The following SDK1 variants were observed in gnomAD, a reference collection of about 807,000 sequenced individuals.
The protein encoded by SDK1 is sidekick cell adhesion molecule 1, also known as protein sidekick-1.
Under a neutral mutation model 245.5 loss-of-function variants are expected in SDK1, and 157 were observed. The ratio of observed to expected loss-of-function variants is 0.64; its 90% CI spans 0.56 to 0.73. The LOEUF is 0.73. Among genes scored for constraint, SDK1 ranks in the 30% least tolerant of loss-of-function variants. The pLI, the probability that SDK1 is intolerant of heterozygous loss-of-function variation, is 0.00. For missense variants in SDK1, 3,583 were observed against 3,002.3 expected, an observed-to-expected ratio of 1.19 and a Z score of -4.52; for synonymous variants, 1,647 against 1,278.5, an observed-to-expected ratio of 1.29 and a Z score of -6.15.
chr7:3,359,558 C>T (rs1220250711), intron 1 of SDK1, among the ~76,000 whole-genome samples: 1 of 152,030 alleles, frequency 6.6e-6, no homozygotes, highest in Non-Finnish European at 1.5e-5. Flanking sequence ...TACACCTGGC[C>T]AGGGATGCAT....
intron 25 of SDK1, 45 bp from the exon 26 acceptor site, chr7:4,127,336 C>A (rs1784455608): frequency 1.4e-6 from 2 of 1,379,420 alleles, no homozygotes; most frequent in Non-Finnish European, 2.1e-6. Context: ...TGTATGTAGA[C>A]ACTCTAGATT....
intron 44 of SDK1, among the ~76,000 whole-genome samples, chr7:4,256,761 G>C (rs562561634): frequency 1.3e-5 from 2 of 152,324 alleles, no homozygotes; most frequent in East Asian, 3.9e-4. Flanking sequence ...CTTCTCCAGG[G>C]CCCAGGGGAT....
intron 30 of SDK1, among the ~76,000 whole-genome samples, chr7:4,151,279 G>A (rs1780363344): frequency 6.6e-6 from 1 of 152,090 alleles, no homozygotes; most frequent in Non-Finnish European, 1.5e-5. Context: ...TGGCCCCAGA[G>A]GACCCACCCT....
chr7:3,540,228 G>A (rs1369827590), intron 1 of SDK1, among the ~76,000 whole-genome samples: 1 of 152,138 alleles, frequency 6.6e-6, no homozygotes, highest in Non-Finnish European at 1.5e-5. Context: ...CCAACATGAC[G>A]AAACCCCATC....
At chr7:3,602,760 G>A (rs1403720186) in intron 1 of SDK1, among the ~76,000 whole-genome samples, 2 of 152,168 alleles carry the variant, frequency 1.3e-5, no homozygotes, top group Non-Finnish European at 2.9e-5. Context: ...CTGTGCCTAT[G>A]TCCTCAATGG....
rs116551627 is a variant in SDK1 at position 3,742,875 on chromosome 7, T to C, written c.714-78575T>C. Among the ~76,000 whole-genome samples, 532 of 152,116 alleles carry C rather than the reference T, an allele frequency of 3.5e-3. 5 individuals are homozygous for C. Among genetic ancestry groups the C allele is most frequent in the African/African-American group, 0.012 (509 of 41,500 alleles). The stretch of plus-strand genomic sequence containing the variant: ...TGGAAAAGAAACCCACAGAGAAATA[T>C]GTTAGAAAGGAATTTTTGCAAGCAA... On this transcript the variant is annotated intron_variant, in intron 4 of 44. Transcript: ENST00000404826.
At chr7:3,671,569 C>G (rs933131617) in intron 4 of SDK1, among the ~76,000 whole-genome samples, 2 of 152,084 alleles carry the variant, frequency 1.3e-5, no homozygotes, top group South Asian at 4.1e-4. Context: ...CATATCATTG[C>G]TGTTATACCT....
In SDK1 at chr7:3,967,314, T is replaced by G; in HGVS notation, c.1430-4T>G. 4 of 1,609,702 alleles carry G rather than the reference T, an allele frequency of 2.5e-6. No individual in the cohort carries two copies. The highest frequency in any genetic ancestry group is 3.4e-6 in the Non-Finnish European group (4 of 1,175,942). ...CTGATCATTTCATTTACTCCTCTTC[T>G]CAGATATCGCTCCAGTGTTCACCCA... On this transcript the variant is annotated splice_polypyrimidine_tract_variant and splice_region_variant and intron_variant, in intron 9 of 44. Coordinates refer to ENST00000404826, the MANE Select transcript of SDK1 (RefSeq NM_152744.4).
intron 5 of SDK1, among the ~76,000 whole-genome samples, chr7:3,846,250 G>A (rs1198322487): frequency 6.6e-6 from 1 of 152,136 alleles, no homozygotes; most frequent in East Asian, 1.9e-4. Flanking sequence ...ATCCTTTTGG[G>A]TATGCAGTTA....
chr7:3,881,970 G>C (rs1781218982), intron 5 of SDK1, among the ~76,000 whole-genome samples: 1 of 151,998 alleles, frequency 6.6e-6, no homozygotes, highest in East Asian at 1.9e-4. Context: ...CCTGAGACTG[G>C]GTAATTTATA....
chr7:4,254,983 C>T (rs1787540031), intron 44 of SDK1, among the ~76,000 whole-genome samples: 1 of 152,230 alleles, frequency 6.6e-6, no homozygotes, highest in Non-Finnish European at 1.5e-5. Flanking sequence ...CCACTACGTG[C>T]TAGCTCTGGT....
chr7:3,471,955 C>T (rs1041986522), intron 1 of SDK1, among the ~76,000 whole-genome samples: 3 of 152,108 alleles, frequency 2.0e-5, no homozygotes, highest in African/African-American at 4.8e-5. Context: ...TAAGTTGTTC[C>T]TAACCATAGT....
intron 16 of SDK1, among the ~76,000 whole-genome samples, chr7:4,015,874 T>C (rs1786356077): frequency 6.6e-6 from 1 of 152,134 alleles, no homozygotes; most frequent in South Asian, 2.1e-4. Context: ...CCCCACCAAG[T>C]GTACATGGTC....
intron 4 of SDK1, among the ~76,000 whole-genome samples, chr7:3,732,089 A>G (rs1332920035): frequency 6.6e-6 from 1 of 152,168 alleles, no homozygotes; most frequent in Non-Finnish European, 1.5e-5. Context: ...CACACCCAGC[A>G]GTAATTTTAT....
chr7:4,028,455 A>T (rs991219324), intron 17 of SDK1, among the ~76,000 whole-genome samples: 2 of 152,166 alleles, frequency 1.3e-5, no homozygotes, highest in African/African-American at 4.8e-5. Flanking sequence ...AGAAACCTCA[A>T]CTGTGTCTCA....
At chr7:3,533,390 G>A (rs1397288294) in intron 1 of SDK1, among the ~76,000 whole-genome samples, 1 of 152,144 alleles carries the variant, frequency 6.6e-6, no homozygotes, top group Non-Finnish European at 1.5e-5. Flanking sequence ...ACCAAGGGAG[G>A]ACTTCCATTT....
intron 5 of SDK1, among the ~76,000 whole-genome samples, chr7:3,916,614 C>G (rs1779390573): frequency 6.6e-6 from 1 of 152,156 alleles, no homozygotes; most frequent in African/African-American, 2.4e-5. Context: ...TAAGAGACAG[C>G]TAGGAATTAT....
chr7:4,199,785 A>G (rs997524269), intron 35 of SDK1, among the ~76,000 whole-genome samples: 15 of 152,102 alleles, frequency 9.9e-5, no homozygotes, highest in African/African-American at 3.6e-4. Flanking sequence ...CCCTGTGCTC[A>G]GTCAGAACTT....
chr7:4,010,287 A>T (rs936355926), intron 14 of SDK1, among the ~76,000 whole-genome samples: 5 of 152,216 alleles, frequency 3.3e-5, no homozygotes, highest in African/African-American at 1.2e-4. Flanking sequence ...TCTGCAAAAA[A>T]TCCACGCAAG....
Sources: allele counts gnomAD v4.1 joint callset (sites outside exome capture counted in the v4.1 genomes callset), GRCh38; gene constraint gnomAD v4.1.1; transcripts MANE v1.5; gene names NCBI Gene and HGNC (gene_info 2026-07-23, HGNC 2026-07-21).